RBP3: variants seen among roughly 807,000 people sequenced by gnomAD.
RBP3 encodes the protein retinol binding protein 3.
RBP3 carries 50 observed loss-of-function variants against 64.8 expected under a neutral mutation model. The ratio of observed to expected loss-of-function variants is 0.77; its 90% confidence interval spans 0.61 to 0.98. The LOEUF is 0.98. Ranked by LOEUF, RBP3 falls within the 50% of genes least tolerant of loss-of-function variation. The pLI, the probability that RBP3 is intolerant of heterozygous loss-of-function variation, is 0.00. For synonymous variants in RBP3, 828 were observed against 730.2 expected, an observed-to-expected ratio of 1.13 and a Z score of -2.16; for missense variants, 1,712 against 1,660.5, an observed-to-expected ratio of 1.03 and a Z score of -0.54.
rs1279488821 is a variant in RBP3 at position 47,350,163 on chromosome 10, G to C, written c.1679G>C (p.Gly560Ala). 6.2e-7 allele frequency: 1 copy of C among 1,612,428 alleles called. No homozygotes were observed. ...TTCGCCTTCCTTATGCAGTCGCTGG[G>C]CTGGGCCACACTGGTAGGTGAGATC... ...EEFAFLMQSL[G>A]WATLVGEITA... Residue 560 changes from glycine (G) to alanine (A), a missense_variant, in exon 1 of 4, where the codon GGC (glycine) becomes GCC (alanine). By Grantham distance (60) the Gly-to-Ala change is moderately conservative. Transcript: ENST00000584701.
At position 47,350,984 on chromosome 10, in the gene RBP3, T is replaced by C. The variant is rs781857602; in HGVS notation, c.2500T>C (p.Tyr834His). 1 of 1,611,894 alleles carries C rather than the reference T, an allele frequency of 6.2e-7. No individual in the cohort carries two copies. Among genetic ancestry groups the C allele is most frequent in the Admixed American group, 1.7e-5 (1 of 60,014 alleles). ...CTTGCCCCAGGTCGCCGGCCAGCGC[T>C]ACGGCTCACACAAGGACCTCTACAT... Reference protein sequence around the residue: ...WTLPQVAGQRYGSHKDLYILM... With the variant: ...WTLPQVAGQRHGSHKDLYILM... The change falls in exon 1 of 4, where the codon TAC becomes CAC. Residue 834 changes from tyrosine to histidine, a missense_variant. Coordinates refer to ENST00000584701, the MANE Select transcript of RBP3 (RefSeq NM_002900.3).
Position 47,353,387 on chromosome 10 carries a change from G to A in RBP3, c.3117G>A (p.Glu1039=), listed in dbSNP as rs144667187. 9 of 1,614,122 alleles carry A rather than the reference G, an allele frequency of 5.6e-6. No homozygotes were observed. The African/African-American group carries it at 8.0e-5, about 14-fold the overall frequency. ...TTTCCTTCCACACTAACGTGCTTGA[G>A]GACAACATTGGCTACTTGAGGTTTG... ...IKFSFHTNVL[E]DNIGYLRFDM... Residue 1039 remains glutamate, a synonymous_variant, in exon 2 of 4, where the codon GAG becomes GAA. Coordinates refer to ENST00000584701, the MANE Select transcript of RBP3 (RefSeq NM_002900.3).
At chr10:47,356,159 G>A (rs563737834) in intron 3 of RBP3, among the ~76,000 whole-genome samples, 2 of 152,180 alleles carry the variant, frequency 1.3e-5, no homozygotes, top group African/African-American at 2.4e-5. Context: ...TGGAGAGACC[G>A]ATGGGGGTGT....
Position 47,355,508 on chromosome 10 carries a change from C to A in RBP3, c.3378C>A (p.Ala1126=). 1.2e-6 allele frequency: 2 copies of A among 1,614,180 alleles called. No homozygotes were observed. Among genetic ancestry groups the A allele is most frequent in the South Asian group, 1.1e-5 (1 of 91,082 alleles). ...CTGTCAGTGAACTCTGGACACACGC[C>A]CAGGTTGTAGGTACGTGGAGAAGCT... ...DDSVSELWTH[A]QVVGERYGSK... The change falls in exon 3 of 4, where the codon GCC becomes GCA. Residue 1126 remains alanine (A), a synonymous_variant. Transcript: ENST00000584701.
intron 2 of RBP3, among the ~76,000 whole-genome samples, chr10:47,354,402 C>T (rs1265106415): frequency 5.3e-5 from 8 of 152,186 alleles, no homozygotes; most frequent in South Asian, 2.1e-4. Context: ...TAGCCCTCAG[C>T]GCTCACTCAC....
At chr10:47,352,688 C>T (rs115048837) in intron 1 of RBP3, among the ~76,000 whole-genome samples, 2,029 of 152,318 alleles carry the variant, frequency 0.013, 36 homozygotes, top group African/African-American at 0.035. Context: ...GGTGCATCCA[C>T]GTGCGAGTAG....
chr10:47,351,381 G>T lies in RBP3; in HGVS notation c.2897G>T (p.Ser966Ile). ...GGGGCCAAGATGGCCACCAAACTGA[G>T]CGGTCTGCAGAGCCGCTACTCCAGG... ...ELGAKMATKL[S>I]GLQSRYSRVT... is the part of the protein sequence containing the mutation. The change falls in exon 1 of 4, where the codon AGC (serine) becomes ATC (isoleucine). Residue 966 changes from serine to isoleucine, a missense_variant. Physicochemically the swap from Ser to Ile is moderately radical, Grantham distance 142. Transcript: ENST00000584701. 1 of 1,613,556 alleles carries T rather than the reference G, an allele frequency of 6.2e-7. No homozygotes were observed.
rs931652201 is a variant in RBP3, at chr10:47,348,559, A to C, written c.75A>C (p.Pro25=). ...GLAGPTHLFQ[P]SLVLDMAKVL... Reference sequence around the variant, plus strand: ...CTGGCCCCACACACCTGTTCCAGCCAAGCCTGGTGCTGGACATGGCCAAGG... The same window carrying C: ...CTGGCCCCACACACCTGTTCCAGCCCAGCCTGGTGCTGGACATGGCCAAGG... Residue 25 remains proline (P), a synonymous_variant, in exon 1 of 4, where the codon CCA becomes CCC. Coordinates refer to ENST00000584701, the MANE Select transcript of RBP3 (RefSeq NM_002900.3). The C allele has an allele frequency of 6.9e-5, 112 of 1,612,696 alleles. No individual in the cohort carries two copies. Among genetic ancestry groups the C allele is most frequent in the Non-Finnish European group, 9.0e-5 (106 of 1,180,016 alleles).
In RBP3 at chr10:47,350,009, A is replaced by G. The variant is rs1836934968; in HGVS notation, c.1525A>G (p.Thr509Ala). 1.2e-6 allele frequency: 2 copies of G among 1,612,790 alleles called. No homozygotes were observed. Among genetic ancestry groups the G allele is most frequent in the East Asian group, 4.5e-5 (2 of 44,836 alleles). Residue 509 changes from threonine (T) to alanine (A), a missense_variant, in exon 1 of 4, where the codon ACC (threonine) becomes GCC (alanine). Transcript: ENST00000584701. ...PEAGPVHLFT[T>A]YDRRTNITQE... ...GGCCGGCCCCGTGCACCTCTTCACC[A>G]CCTATGATCGCCGCACCAACATCAC...
Position 47,351,187 on chromosome 10 carries a change from C to T in RBP3, c.2703C>T (p.Ala901=), listed in dbSNP as rs1406155698. The change falls in exon 1 of 4, where the codon GCC becomes GCT. Residue 901 remains alanine, a synonymous_variant. Coordinates refer to ENST00000584701, the MANE Select transcript of RBP3 (RefSeq NM_002900.3). Reference sequence around the variant, plus strand: ...TGCCCACCCAGATGGCCATGAGTGCCACCACAGGCAAGGCCTGGGACCTGG... The same window carrying T: ...TGCCCACCCAGATGGCCATGAGTGCTACCACAGGCAAGGCCTGGGACCTGG... ...ASMPTQMAMS[A]TTGKAWDLAG... 1.2e-6 allele frequency: 2 copies of T among 1,613,082 alleles called. No homozygotes were observed. The highest frequency in any genetic ancestry group is 1.7e-6 in the Non-Finnish European group (2 of 1,180,032).
At chr10:47,353,960 C>A (rs1380616872) in intron 2 of RBP3, among the ~76,000 whole-genome samples, 1 of 152,214 alleles carries the variant, frequency 6.6e-6, no homozygotes, top group Non-Finnish European at 1.5e-5. Flanking sequence ...GGCCCCCCAC[C>A]TGGGAGTGTG....
chr10:47,353,063 C>G (rs1307395605), intron 1 of RBP3, among the ~76,000 whole-genome samples: 5 of 152,060 alleles, frequency 3.3e-5, no homozygotes, highest in Admixed American at 6.5e-5. Context: ...GAGTCCATTC[C>G]TGGGCCTTCT....
Position 47,351,044 on chromosome 10 carries a change from G to A in RBP3, c.2560G>A (p.Ala854Thr). 1 of 1,610,846 alleles carries A rather than the reference G, an allele frequency of 6.2e-7. No homozygotes were observed. The highest frequency in any genetic ancestry group is 1.1e-5 in the South Asian group (1 of 91,014). Residue 854 changes from alanine to threonine, a missense_variant, in exon 1 of 4, where the codon GCC becomes ACC. By Grantham distance (58) the Ala-to-Thr change is moderately conservative. Coordinates refer to ENST00000584701, the MANE Select transcript of RBP3 (RefSeq NM_002900.3). ...CCACACCAGTGGCTCTGCGGCCGAG[G>A]CCTTTGCACACACCATGCAGGACCT... ...MSHTSGSAAEAFAHTMQDLQR... is the reference protein window; with the variant it reads ...MSHTSGSAAETFAHTMQDLQR...
chr10:47,350,560 G>T lies in RBP3; in HGVS notation c.2076G>T (p.Glu692Asp). ...LASQLTADLQ[E>D]VSGDHRLLVF... is the part of the protein sequence containing the mutation. ...CTCAGCTCACAGCAGACCTCCAGGA[G>T]GTGTCTGGGGACCACCGCTTGCTAG... The change falls in exon 1 of 4, where the codon GAG (glutamate) becomes GAT (aspartate). Residue 692 changes from glutamate (E) to aspartate (D), a missense_variant. By Grantham distance (45) the Glu-to-Asp change is conservative. Coordinates refer to ENST00000584701, the MANE Select transcript of RBP3 (RefSeq NM_002900.3). 2 of 1,612,942 alleles carry T rather than the reference G, an allele frequency of 1.2e-6. No homozygotes were observed. The highest frequency in any genetic ancestry group is 4.5e-5 in the East Asian group (2 of 44,878).
chr10:47,356,756 C>T (rs1012442814), intron 3 of RBP3, among the ~76,000 whole-genome samples: 6 of 152,082 alleles, frequency 3.9e-5, no homozygotes, highest in Admixed American at 2.0e-4. Flanking sequence ...TTTCTGAGTC[C>T]AAAGTGAAAA....
Position 47,349,070 on chromosome 10 carries a change from G to A in RBP3, c.586G>A (p.Val196Met), listed in dbSNP as rs782398712. 9 of 1,613,882 alleles carry A rather than the reference G, an allele frequency of 5.6e-6. No individual in the cohort carries two copies. The highest frequency in any genetic ancestry group is 1.1e-5 in the South Asian group (1 of 91,080). The change falls in exon 1 of 4, where the codon GTG (valine) becomes ATG (methionine). Residue 196 changes from valine (V) to methionine (M), a missense_variant. Transcript: ENST00000584701. Reference sequence around the variant, plus strand: ...GCACCCAGGGAACACCATCCTGCACGTGGACACTATCTACAACCGCCCCTC... The same window carrying A: ...GCACCCAGGGAACACCATCCTGCACATGGACACTATCTACAACCGCCCCTC... The part of the protein sequence containing the change: ...YLHPGNTILH[V>M]DTIYNRPSNT...
Position 47,348,885 on chromosome 10 carries a change from G to A in RBP3, c.401G>A (p.Arg134Gln), listed in dbSNP as rs538289853. Residue 134 changes from arginine (R) to glutamine (Q), a missense_variant, in exon 1 of 4, where the codon CGG becomes CAG. Physicochemically the swap from Arg to Gln is conservative, Grantham distance 43. Coordinates refer to ENST00000584701, the MANE Select transcript of RBP3 (RefSeq NM_002900.3). ...EVLEGNVGYL[R>Q]VDSVPGQEVL... ...CTGGAGGGTAATGTGGGCTACCTGC[G>A]GGTGGACAGCGTCCCGGGCCAGGAG... 8.7e-6 allele frequency: 14 copies of A among 1,613,774 alleles called. No individual in the cohort carries two copies. The East Asian group carries it at 8.9e-5, about 10-fold the overall frequency.
Position 47,349,656 on chromosome 10 carries a change from G to A in RBP3, c.1172G>A (p.Gly391Glu). 1 of 1,612,232 alleles carries A rather than the reference G, an allele frequency of 6.2e-7. No homozygotes were observed. Among genetic ancestry groups the A allele is most frequent in the Non-Finnish European group, 8.5e-7 (1 of 1,180,004 alleles). Reference protein sequence around the residue: ...EDPRLLVRAIGPTETPSWPAP... With the variant: ...EDPRLLVRAIEPTETPSWPAP... ...CCCAGGCTCCTGGTGCGAGCCATCG[G>A]GCCCACAGAAACTCCTTCTTGGCCC... Residue 391 changes from glycine (G) to glutamate (E), a missense_variant, in exon 1 of 4, where the codon GGG becomes GAG. Gly to Glu is a moderately conservative substitution (Grantham distance 98, BLOSUM62 -2). Coordinates refer to ENST00000584701, the MANE Select transcript of RBP3 (RefSeq NM_002900.3).
chr10:47,349,789 G>T lies in RBP3; in HGVS notation c.1305G>T (p.Leu435=). The change falls in exon 1 of 4, where the codon CTG becomes CTT. Residue 435 remains leucine, a synonymous_variant. Coordinates refer to ENST00000584701, the MANE Select transcript of RBP3 (RefSeq NM_002900.3). ...ACTCTGTGTTCCAGGTGTCGGTGCT[G>T]CCAGGCAATGTGGGCTACCTGCGCT... ...LVDSVFQVSV[L]PGNVGYLRFD... The T allele has an allele frequency of 2.5e-6, 4 of 1,613,230 alleles. No individual in the cohort carries two copies. Among genetic ancestry groups the T allele is most frequent in the Non-Finnish European group, 3.4e-6 (4 of 1,180,020 alleles).
Sources: allele counts gnomAD v4.1 joint callset (sites outside exome capture counted in the v4.1 genomes callset), GRCh38; gene constraint gnomAD v4.1.1; transcripts MANE v1.5; gene names NCBI Gene and HGNC (gene_info 2026-07-23, HGNC 2026-07-21).